USP13: variants seen among roughly 807,000 people sequenced by gnomAD.
USP13 encodes the protein ubiquitin carboxyl-terminal hydrolase 13.
A neutral mutation model predicts 107.8 loss-of-function variants in USP13; 68 were observed. That is an observed-to-expected ratio of 0.63 (90% CI 0.52 to 0.77). The LOEUF is 0.77. Among genes scored for constraint, USP13 ranks in the 30% least tolerant of loss-of-function variants. USP13 has a pLI of 0.00. For synonymous variants in USP13, 377 were observed against 389.5 expected (o/e 0.97, Z 0.38); for missense variants, 945 against 1,093.3 (o/e 0.86, Z 1.91).
At chr3:179,710,192 C>T (rs1467780575) in intron 6 of USP13, among the ~76,000 whole-genome samples, 1 of 152,202 alleles carries the variant, frequency 6.6e-6, no homozygotes, top group Non-Finnish European at 1.5e-5. Flanking sequence ...TATCCTAAAT[C>T]TTCCAGGATT....
chr3:179,725,981 G>A (rs1713500979), intron 8 of USP13, among the ~76,000 whole-genome samples: 1 of 152,212 alleles, frequency 6.6e-6, no homozygotes, highest in South Asian at 2.1e-4. Flanking sequence ...AATTATGGGA[G>A]CTACAATTCA....
At chr3:179,711,013 C>T (rs1024839364) in intron 6 of USP13, among the ~76,000 whole-genome samples, 3 of 152,120 alleles carry the variant, frequency 2.0e-5, no homozygotes, top group South Asian at 4.2e-4. Flanking sequence ...GTGAAGGCCT[C>T]GGACTTTAGT....
intron 1 of USP13, among the ~76,000 whole-genome samples, chr3:179,654,374 A>G (rs1054568449): frequency 3.9e-5 from 6 of 152,138 alleles, no homozygotes; most frequent in African/African-American, 1.4e-4. Flanking sequence ...TAAATTATTA[A>G]AAGTTCAATC....
chr3:179,780,968 T>C (rs1006521581), intron 19 of USP13, among the ~76,000 whole-genome samples: 3 of 152,206 alleles, frequency 2.0e-5, no homozygotes, highest in African/African-American at 4.8e-5. Context: ...TACTACCTCA[T>C]TGTAGTCTGT....
chr3:179,660,655 G>C (rs1361963559), intron 1 of USP13, among the ~76,000 whole-genome samples: 1 of 152,198 alleles, frequency 6.6e-6, no homozygotes, highest in East Asian at 1.9e-4. Context: ...TACTATGCAC[G>C]TTGCCTTGCA....
Position 179,742,079 on chromosome 3 carries a change from G to T in USP13, c.1381-118G>T. ...TAAAGTGCTTTGGTGAATGGGCATG[G>T]CCAGAGGAAATGTTTAATAAAGCCA... is the stretch of plus-strand genomic sequence containing the variant. On this transcript the variant is annotated intron_variant, in intron 11 of 20. Coordinates refer to ENST00000263966, the MANE Select transcript of USP13 (RefSeq NM_003940.3). This position sits in a 1 kb window ranked among gnomAD's most constrained non-coding sequence, Gnocchi z 5.0. 7.7e-7 allele frequency: 1 copy of T among 1,291,648 alleles called. No homozygotes were observed. The highest frequency in any genetic ancestry group is 1.1e-6 in the Non-Finnish European group (1 of 935,156). 80.0% of individuals were successfully genotyped at this position (1,291,648 alleles called of 1,614,324 possible).
intron 1 of USP13, among the ~76,000 whole-genome samples, chr3:179,660,189 C>G (rs562135109): frequency 2.0e-4 from 30 of 152,336 alleles, no homozygotes; most frequent in African/African-American, 7.0e-4. Flanking sequence ...GTAACTATCA[C>G]TATGCATTGT....
chr3:179,703,815 GGAAGT>G (rs1199734513), intron 4 of USP13, among the ~76,000 whole-genome samples: 1 of 152,168 alleles, frequency 6.6e-6, no homozygotes, highest in East Asian at 1.9e-4. Flanking sequence ...AAAACAATTA[GGAAGT>G]GAAGAATTTT....
At chr3:179,761,353 A>C in intron 17 of USP13, 98 bp downstream of exon 17, 1 of 1,457,030 alleles carries the variant, frequency 6.9e-7, no homozygotes, top group African/African-American at 1.4e-5. Flanking sequence ...GTATCCCTAG[A>C]AAATGACTTT....
intron 8 of USP13, among the ~76,000 whole-genome samples, chr3:179,727,039 T>TC (rs1348032834): frequency 6.6e-6 from 1 of 151,510 alleles, no homozygotes; most frequent in Admixed American, 6.6e-5. Context: ...ATAACAACAA[T>TC]CTCTTCCTCA....
In USP13 at chr3:179,750,287, AATATATATATGTGTGTGTATATAT is replaced by A. The variant is rs67612313; in HGVS notation, c.1710-1981_1710-1958del. 4.7e-3 allele frequency among the ~76,000 whole-genome samples: 655 copies of A among 138,014 alleles called. 4 individuals are homozygous for A. Among genetic ancestry groups the A allele is most frequent in the African/African-American group, 9.7e-3 (347 of 35,860 alleles). The allele number at this position is 138,014 out of a possible 152,430, so 90.5% of individuals were successfully genotyped here. A position where few individuals can be genotyped will look rare whatever the true frequency, so the allele number is the denominator to read the frequency against. On this transcript the variant is annotated intron_variant, in intron 13 of 20. Transcript: ENST00000263966. ...TCTCAAAATAATAATAATAATAATA[AATATATATATGTGTGTGTATATAT>A]ATATATATATGTGTGTATATATATA...
rs1384081277 is a variant in USP13 at position 179,680,822 on chromosome 3, T to C, written c.169-1056T>C. Among the ~76,000 whole-genome samples, 2 of 101,754 alleles carry C rather than the reference T, an allele frequency of 2.0e-5. 1 individual carries two copies. Among genetic ancestry groups the C allele is most frequent in the Non-Finnish European group, 4.4e-5 (2 of 45,944 alleles). 66.8% of individuals were successfully genotyped at this position (101,754 alleles called of 152,430 possible). A position where few individuals can be genotyped will look rare whatever the true frequency, so the allele number is the denominator to read the frequency against. On this transcript the variant is annotated intron_variant, in intron 1 of 20. Coordinates refer to ENST00000263966, the MANE Select transcript of USP13 (RefSeq NM_003940.3). ...TCCCAAAGTGCTGGGATTACAGGCATGAGTCACCGTGCCCGGCGCTACATT... is the reference window on the plus strand; with the variant it reads ...TCCCAAAGTGCTGGGATTACAGGCACGAGTCACCGTGCCCGGCGCTACATT...
intron 1 of USP13, among the ~76,000 whole-genome samples, chr3:179,667,523 G>T (rs1156986188): frequency 6.6e-6 from 1 of 152,166 alleles, no homozygotes; most frequent in Non-Finnish European, 1.5e-5. Context: ...GTGTTCGTAT[G>T]CCGATGGTTT....
rs368763882 is a variant in USP13 at position 179,761,210 on chromosome 3, G to A, written c.2047G>A (p.Ala683Thr). ...KAVYFTGNMG[A>T]EVAFNWIIVH... ...TGTGTACTTCACTGGAAATATGGGCGCCGAGGTGGCCTTCAACTGGATCAT... is the reference window on the plus strand; with the variant it reads ...TGTGTACTTCACTGGAAATATGGGCACCGAGGTGGCCTTCAACTGGATCAT... Residue 683 changes from alanine (A) to threonine (T), a missense_variant, in exon 17 of 21, where the codon GCC becomes ACC. Transcript: ENST00000263966. The A allele has an allele frequency of 1.5e-5, 25 of 1,614,132 alleles. No homozygotes were observed. In the African/African-American group the frequency reaches 1.7e-4, roughly 11 times the overall value.
intron 2 of USP13, among the ~76,000 whole-genome samples, chr3:179,686,418 C>CA (rs1711875353): frequency 6.6e-6 from 1 of 152,142 alleles, no homozygotes; most frequent in South Asian, 2.1e-4. Flanking sequence ...TCCGTCTTGA[C>CA]AAAAAATAAA....
At chr3:179,703,095 A>G (rs1314952049) in intron 4 of USP13, among the ~76,000 whole-genome samples, 1 of 152,220 alleles carries the variant, frequency 6.6e-6, no homozygotes, top group Non-Finnish European at 1.5e-5. Flanking sequence ...ATCCAGCAAG[A>G]TATATCATCA....
intron 1 of USP13, among the ~76,000 whole-genome samples, chr3:179,664,723 T>C (rs77869478): frequency 0.011 from 1,667 of 152,318 alleles, 38 homozygotes; most frequent in African/African-American, 0.039. Context: ...AAGAATTTAA[T>C]GAATCTGAAT....
intron 1 of USP13, among the ~76,000 whole-genome samples, chr3:179,655,699 C>G (rs748538410): frequency 6.6e-6 from 1 of 151,972 alleles, no homozygotes; most frequent in Non-Finnish European, 1.5e-5. Flanking sequence ...GGATTACAGG[C>G]GTGTGCCACC....
chr3:179,689,063 G>A (rs1452196352), intron 2 of USP13, among the ~76,000 whole-genome samples: 1 of 152,200 alleles, frequency 6.6e-6, no homozygotes, highest in Non-Finnish European at 1.5e-5. Flanking sequence ...ATTAAAATGT[G>A]AGAAAGCAGA....
Sources: allele counts gnomAD v4.1 joint callset (sites outside exome capture counted in the v4.1 genomes callset), GRCh38; gene constraint gnomAD v4.1.1; non-coding constraint Gnocchi (gnomAD v3.1); transcripts MANE v1.5; gene names NCBI Gene and HGNC (gene_info 2026-07-23, HGNC 2026-07-21).